SRBD1: variants seen among roughly 807,000 people sequenced by gnomAD.
The protein encoded by SRBD1 is S1 RNA-binding domain-containing protein 1.
SRBD1 carries 88 observed loss-of-function variants against 115.3 expected under a neutral mutation model. The observed-to-expected ratio is 0.76, with a 90% confidence interval of 0.64 to 0.91. The LOEUF (loss-of-function observed/expected upper bound fraction) is 0.91, where lower values mean the gene tolerates loss of function less well. Among genes scored for constraint, SRBD1 ranks in the 40% least tolerant of loss-of-function variants. SRBD1 has a pLI of 0.00. For missense variants in SRBD1, 1,385 were observed against 1,177.4 expected, an observed-to-expected ratio of 1.18 and a Z score of -2.58; for synonymous variants, 509 against 407.7, an observed-to-expected ratio of 1.25 and a Z score of -2.99.
chr2:45,484,880 A>G (rs1670068205), intron 15 of SRBD1, among the ~76,000 whole-genome samples: 1 of 152,166 alleles, frequency 6.6e-6, no homozygotes, highest in Admixed American at 6.5e-5. Context: ...TGTTGGCATG[A>G]CATTTTTGAG....
At chr2:45,519,695 T>A (rs543830819) in intron 14 of SRBD1, among the ~76,000 whole-genome samples, 34 of 152,336 alleles carry the variant, frequency 2.2e-4, no homozygotes, top group African/African-American at 7.9e-4. Flanking sequence ...TTTTTAAAAA[T>A]TTTTGTTTAT....
At chr2:45,475,613 C>T (rs1402230391) in intron 16 of SRBD1, among the ~76,000 whole-genome samples, 1 of 152,212 alleles carries the variant, frequency 6.6e-6, no homozygotes, top group African/African-American at 2.4e-5. Context: ...CTTTATTCCA[C>T]TATCTTGCCA....
At position 45,503,586 on chromosome 2, in the gene SRBD1, C is replaced by T. The variant is rs538452731; in HGVS notation, c.1875-15255G>A. Reference sequence around the variant, plus strand: ...ATTTAAAATAATTCACATACCAATTCATCCCTTTCTTAGTTGAAAATCTAT... The same window carrying T: ...ATTTAAAATAATTCACATACCAATTTATCCCTTTCTTAGTTGAAAATCTAT... On this transcript the variant is annotated intron_variant, in intron 14 of 20. Transcript: ENST00000263736. Among the ~76,000 whole-genome samples the T allele has an allele frequency of 1.3e-3, 191 of 152,274 alleles. 1 individual carries two copies. Among genetic ancestry groups the T allele is most frequent in the African/African-American group, 4.5e-3 (188 of 41,558 alleles).
chr2:45,432,765 A>G (rs1668378507), intron 16 of SRBD1, among the ~76,000 whole-genome samples: 1 of 152,144 alleles, frequency 6.6e-6, no homozygotes, highest in Non-Finnish European at 1.5e-5. Flanking sequence ...AATTCAAGGA[A>G]ATCCTGGGAC....
intron 16 of SRBD1, among the ~76,000 whole-genome samples, chr2:45,473,738 C>A (rs1028944930): frequency 2.0e-5 from 3 of 152,104 alleles, no homozygotes; most frequent in African/African-American, 7.2e-5. Context: ...TAGTCAGTTC[C>A]TCTTTATCAC....
intron 16 of SRBD1, among the ~76,000 whole-genome samples, chr2:45,441,213 G>A (rs555176452): frequency 3.9e-5 from 6 of 152,140 alleles, no homozygotes; most frequent in South Asian, 4.2e-4. Context: ...GTTTCCTTTC[G>A]CTTCCATGTC....
chr2:45,407,291 A>G (rs1033795068), intron 19 of SRBD1, among the ~76,000 whole-genome samples: 2 of 152,208 alleles, frequency 1.3e-5, no homozygotes, highest in African/African-American at 2.4e-5. Flanking sequence ...AGCCTGAGCT[A>G]TATTTTTCTG....
At chr2:45,465,711 C>G (rs1669466746) in intron 16 of SRBD1, among the ~76,000 whole-genome samples, 1 of 152,000 alleles carries the variant, frequency 6.6e-6, no homozygotes. Flanking sequence ...TTAATGTAAC[C>G]TTGATTTTTA....
intron 4 of SRBD1, among the ~76,000 whole-genome samples, chr2:45,590,757 C>T (rs910872638): frequency 6.6e-6 from 1 of 152,194 alleles, no homozygotes; most frequent in South Asian, 2.1e-4. Context: ...TGGCTCATGC[C>T]TGTAATCCCA....
chr2:45,605,583 G>C lies in SRBD1; in HGVS notation c.1-142C>G. 3.9e-6 allele frequency: 3 copies of C among 772,440 alleles called. No individual in the cohort carries two copies. In the South Asian group the frequency reaches 5.0e-5, roughly 13 times the overall value. The allele number at this position is 772,440 out of a possible 1,614,324, so 47.8% of individuals were successfully genotyped here. The stretch of plus-strand genomic sequence containing the variant: ...TGTTTATTCACAAGCCCAAACATCA[G>C]TTTCCTCTGCTATGTAGCTGCCAAT... On this transcript the variant is annotated intron_variant, in intron 1 of 20. Coordinates refer to ENST00000263736, the MANE Select transcript of SRBD1 (RefSeq NM_018079.5).
rs914445896 is a variant in SRBD1 at position 45,515,124 on chromosome 2, A to G, written c.1875-26793T>C. Among the ~76,000 whole-genome samples the G allele has an allele frequency of 5.9e-5, 9 of 152,320 alleles. 1 individual carries two copies. Among genetic ancestry groups the G allele is most frequent in the African/African-American group, 2.2e-4 (9 of 41,574 alleles). On this transcript the variant is annotated intron_variant, in intron 14 of 20. Transcript: ENST00000263736. ...CCATGAGAACATGGGAACAAGAGAGAGTAGAAGAAATTATATCCTATATAC... is the reference window on the plus strand; with the variant it reads ...CCATGAGAACATGGGAACAAGAGAGGGTAGAAGAAATTATATCCTATATAC...
At chr2:45,581,600 T>C in intron 6 of SRBD1, 93 bp downstream of exon 6, 1 of 858,906 alleles carries the variant, frequency 1.2e-6, no homozygotes, top group Non-Finnish European at 1.8e-6. Context: ...CTAATGACGT[T>C]AGCTTTTTAT....
At chr2:45,546,085 C>T in intron 14 of SRBD1, 1 of 830,800 alleles carries the variant, frequency 1.2e-6, no homozygotes, top group Non-Finnish European at 1.5e-6. Flanking sequence ...TAATATTCTA[C>T]TATAGTTTGG....
chr2:45,456,275 T>A (rs1406314888), intron 16 of SRBD1, among the ~76,000 whole-genome samples: 3 of 151,898 alleles, frequency 2.0e-5, no homozygotes, highest in African/African-American at 7.2e-5. Context: ...TGTTTTAAGA[T>A]GACCTTGATA....
chr2:45,581,733 G>A lies in SRBD1; in HGVS notation c.893C>T (p.Ala298Val), dbSNP rs767214481. 2 of 1,613,238 alleles carry A rather than the reference G, an allele frequency of 1.2e-6. No homozygotes were observed. The highest frequency in any genetic ancestry group is 1.7e-5 in the Admixed American group (1 of 59,940). The change falls in exon 6 of 21, where the codon GCC becomes GTC. Residue 298 changes from alanine to valine, a missense_variant. Physicochemically the swap from Ala to Val is moderately conservative, Grantham distance 64. Transcript: ENST00000263736. ...EGKMSECLLK[A>V]MLNCKTFEEL... is the part of the protein sequence containing the mutation. The stretch of plus-strand genomic sequence containing the variant: ...TTCAAAAGTTTTACAATTCAGCATG[G>A]CTTTTAACAAGCACTCAGACATCTT...
At position 45,559,338 on chromosome 2, in the gene SRBD1, A is replaced by T. The variant is rs1324772416; in HGVS notation, c.1409+3315T>A. 4.6e-5 allele frequency among the ~76,000 whole-genome samples: 7 copies of T among 152,186 alleles called. No individual in the cohort carries two copies. The East Asian group carries it at 1.3e-3, about 29-fold the overall frequency. ...GCTATGTATGATCTAACCTGTGTCA[A>T]CATCTCAATCTTCATTCCATGTCAC... On this transcript the variant is annotated intron_variant, in intron 10 of 20. Coordinates refer to ENST00000263736, the MANE Select transcript of SRBD1 (RefSeq NM_018079.5).
chr2:45,403,046 GAC>G (rs1030065052), intron 19 of SRBD1, among the ~76,000 whole-genome samples: 6 of 152,108 alleles, frequency 3.9e-5, no homozygotes, highest in African/African-American at 1.4e-4. Flanking sequence ...ACACAGACAT[GAC>G]AGTTTCTGGA....
At chr2:45,401,866 T>C (rs1206701760) in intron 19 of SRBD1, among the ~76,000 whole-genome samples, 1 of 152,184 alleles carries the variant, frequency 6.6e-6, no homozygotes, top group African/African-American at 2.4e-5. Flanking sequence ...AAAACCAATG[T>C]AAACTCTTTG....
chr2:45,469,475 G>T (rs1669584372), intron 16 of SRBD1, among the ~76,000 whole-genome samples: 1 of 152,042 alleles, frequency 6.6e-6, no homozygotes, highest in African/African-American at 2.4e-5. Context: ...AGGCATTATT[G>T]GTAAAAGGTT....
Sources: allele counts gnomAD v4.1 joint callset (sites outside exome capture counted in the v4.1 genomes callset), GRCh38; gene constraint gnomAD v4.1.1; transcripts MANE v1.5; gene names NCBI Gene and HGNC (gene_info 2026-07-23, HGNC 2026-07-21).